CINP: variants seen among roughly 807,000 people sequenced by gnomAD.
The protein encoded by CINP is cyclin-dependent kinase 2-interacting protein.
A neutral mutation model predicts 20.5 loss-of-function variants in CINP; 11 were observed. The ratio of observed to expected loss-of-function variants is 0.54; its 90% CI spans 0.34 to 0.89. The LOEUF (loss-of-function observed/expected upper bound fraction) is 0.89, where lower values mean the gene tolerates loss of function less well. Ranked by LOEUF, CINP falls within the 40% of genes least tolerant of loss-of-function variation. The pLI, the probability that CINP is intolerant of heterozygous loss-of-function variation, is 0.02. For missense variants in CINP, 213 were observed against 251.0 expected, an observed-to-expected ratio of 0.85 and a Z score of 1.02; for synonymous variants, 108 against 102.1, an observed-to-expected ratio of 1.06 and a Z score of -0.35.
At chr14:102,361,951 G>A (rs1887173904) in intron 1 of CINP, among the ~76,000 whole-genome samples, 1 of 152,194 alleles carries the variant, frequency 6.6e-6, no homozygotes, top group Admixed American at 6.5e-5. Flanking sequence ...ATATTCACCA[G>A]TGGAGTGTAT....
At chr14:102,357,109 G>A (rs1448147498) in intron 2 of CINP, among the ~76,000 whole-genome samples, 8 of 152,246 alleles carry the variant, frequency 5.3e-5, no homozygotes, top group Admixed American at 3.9e-4. Context: ...GGCCAGGTGC[G>A]GTGGCTCACG....
chr14:102,352,931 G>A (rs1376081243), intron 3 of CINP, among the ~76,000 whole-genome samples: 1 of 151,542 alleles, frequency 6.6e-6, no homozygotes. Flanking sequence ...TTACAGGCAT[G>A]AGCCACTGCG....
chr14:102,359,520 G>A lies in CINP; in HGVS notation c.75C>T (p.Asp25=), dbSNP rs753532232. 4 of 1,613,186 alleles carry A rather than the reference G, an allele frequency of 2.5e-6. No homozygotes were observed. Residue 25 remains aspartate, a synonymous_variant, in exon 2 of 5, where the codon GAC becomes GAT. Transcript: ENST00000216756. ...VLSVSARKIK[D]NAADWHNLIL... ...TTAAATTGTGCCAATCAGCCGCATTGTCCTTAATTTTTCTTGCACTGACAG... is the reference window on the plus strand; with the variant it reads ...TTAAATTGTGCCAATCAGCCGCATTATCCTTAATTTTTCTTGCACTGACAG...
chr14:102,354,924 G>C (rs991070329), intron 3 of CINP, among the ~76,000 whole-genome samples: 3 of 151,640 alleles, frequency 2.0e-5, no homozygotes, highest in Admixed American at 6.6e-5. Flanking sequence ...ACAAAAATTA[G>C]CTCATGTGGT....
chr14:102,348,778 T>C lies in CINP; in HGVS notation c.437-19A>G, dbSNP rs759406619. The C allele has an allele frequency of 6.2e-7, 1 of 1,603,256 alleles. No homozygotes were observed. Among genetic ancestry groups the C allele is most frequent in the Non-Finnish European group, 8.5e-7 (1 of 1,172,460 alleles). ...ACCTCATCTGAAAGAAACGTGAATC[T>C]CCCTTAATGGCAGTGATTCAAGAAC... On this transcript the variant is annotated intron_variant, in intron 4 of 4. Transcript: ENST00000216756.
rs1567308301 is a variant in CINP, at chr14:102,362,886, G to GC, written c.-36dup. ...AGATATCCGTAGAAGGAGACGCGAA[G>GC]CCCCGCCCACCCCACCGGAAACGCA... On this transcript the variant is annotated 5_prime_UTR_variant, in exon 1 of 5. Transcript: ENST00000216756. 6.2e-7 allele frequency: 1 copy of GC among 1,613,558 alleles called. No individual in the cohort carries two copies. Among genetic ancestry groups the GC allele is most frequent in the Non-Finnish European group, 8.5e-7 (1 of 1,179,626 alleles).
rs199840100 is a variant in CINP at position 102,359,473 on chromosome 14, T to C, written c.122A>G (p.Asn41Ser). 87 of 1,612,194 alleles carry C rather than the reference T, an allele frequency of 5.4e-5. No individual in the cohort carries two copies. Among genetic ancestry groups the C allele is most frequent in the African/African-American group, 6.7e-5 (5 of 74,986 alleles). The change falls in exon 2 of 5, where the codon AAT becomes AGT. Residue 41 changes from asparagine to serine, a missense_variant. Physicochemically the swap from Asn to Ser is conservative, Grantham distance 46. Coordinates refer to ENST00000216756, the MANE Select transcript of CINP (RefSeq NM_032630.3). ...HNLILKWETL[N>S]DAGFTTANNI... Reference sequence around the variant, plus strand: ...ATTTGCAGTGGTAAAACCTGCATCATTGAGGGTTTCCCACTTCAGGATTAA... The same window carrying C: ...ATTTGCAGTGGTAAAACCTGCATCACTGAGGGTTTCCCACTTCAGGATTAA...
intron 3 of CINP, chr14:102,352,658 T>C: frequency 2.4e-6 from 1 of 411,590 alleles, no homozygotes; most frequent in South Asian, 1.8e-5. Flanking sequence ...ACTTTTCTTT[T>C]TCTTTTTTTC....
In CINP at chr14:102,362,841, G is replaced by A. The variant is rs755036205; in HGVS notation, c.7+4C>T. ...ACCCCGGGAAAGGAACCGATCTCAC[G>A]CACCTTCCATAAGGTCCACAGATAT... On this transcript the variant is annotated splice_donor_region_variant and intron_variant, in intron 1 of 4. Coordinates refer to ENST00000216756, the MANE Select transcript of CINP (RefSeq NM_032630.3). 7 of 1,614,024 alleles carry A rather than the reference G, an allele frequency of 4.3e-6. No individual in the cohort carries two copies. Among genetic ancestry groups the A allele is most frequent in the Middle Eastern group, 1.6e-4 (1 of 6,062 alleles).
At chr14:102,357,064 T>G (rs554650565) in intron 2 of CINP, among the ~76,000 whole-genome samples, 37 of 152,280 alleles carry the variant, frequency 2.4e-4, no homozygotes, top group African/African-American at 8.9e-4. Context: ...ATGATTAAGC[T>G]TAGTGAGGAA....
At chr14:102,349,466 C>T (rs1886818216) in intron 4 of CINP, among the ~76,000 whole-genome samples, 1 of 152,126 alleles carries the variant, frequency 6.6e-6, no homozygotes, top group African/African-American at 2.4e-5. Flanking sequence ...CTTTAAGAAG[C>T]GCCTCATAGA....
intron 4 of CINP, among the ~76,000 whole-genome samples, chr14:102,349,024 G>C (rs1225066580): frequency 1.3e-5 from 2 of 152,202 alleles, no homozygotes; most frequent in African/African-American, 2.4e-5. Flanking sequence ...AGGCCCAAGT[G>C]GGTGGATCAC....
At chr14:102,352,660 CT>C (rs1208495575) in intron 3 of CINP, 3 of 410,942 alleles carry the variant, frequency 7.3e-6, no homozygotes, top group Non-Finnish European at 1.4e-5. Context: ...TTTTCTTTTT[CT>C]TTTTTTCTTT....
intron 3 of CINP, among the ~76,000 whole-genome samples, chr14:102,354,799 G>C (rs1294172669): frequency 6.6e-6 from 1 of 151,978 alleles, no homozygotes; most frequent in Non-Finnish European, 1.5e-5. Flanking sequence ...GCCAGGTGCG[G>C]TGACTCACGC....
In CINP at chr14:102,359,456, T is replaced by G. The variant is rs369073138; in HGVS notation, c.139A>C (p.Thr47Pro). The G allele has an allele frequency of 1.9e-6, 3 of 1,603,412 alleles. No individual in the cohort carries two copies. Among genetic ancestry groups the G allele is most frequent in the Non-Finnish European group, 2.6e-6 (3 of 1,174,586 alleles). The change falls in exon 2 of 5, where the codon ACT becomes CCT. Residue 47 changes from threonine (T) to proline (P), a missense_variant. Physicochemically the swap from Thr to Pro is conservative, Grantham distance 38. Transcript: ENST00000216756. ...WETLNDAGFT[T>P]ANNIANLKIS... ...TTCAAGTTGGCAATATTATTTGCAG[T>G]GGTAAAACCTGCATCATTGAGGGTT...
chr14:102,352,285 T>G (rs1408255812), intron 3 of CINP: 2 of 256,938 alleles, frequency 7.8e-6, no homozygotes, highest in Non-Finnish European at 1.6e-5. Flanking sequence ...AACAGGAGAC[T>G]AAGGAAAATT....
rs548858134 is a variant in CINP, at chr14:102,350,907, C to T, written c.307-859G>A. Among the ~76,000 whole-genome samples, 202 of 148,544 alleles carry T rather than the reference C, an allele frequency of 1.4e-3. 1 individual carries two copies. The highest frequency in any genetic ancestry group is 4.7e-3 in the South Asian group (22 of 4,688). On this transcript the variant is annotated intron_variant, in intron 3 of 4. Transcript: ENST00000216756. ...GTGGCGAGATCTCGGTTCACTACAA[C>T]CTCTGATTCCCTGGTTCAAGCGATT...
rs114043770 is a variant in CINP at position 102,357,079 on chromosome 14, T to C, written c.177-1182A>G. ...ATGATTAAGCTTAGTGAGGAAGGCATGTCAAAAGCTCAGATAAGGGGCCAG... is the reference window on the plus strand; with the variant it reads ...ATGATTAAGCTTAGTGAGGAAGGCACGTCAAAAGCTCAGATAAGGGGCCAG... On this transcript the variant is annotated intron_variant, in intron 2 of 4. Transcript: ENST00000216756. 5.7e-3 allele frequency among the ~76,000 whole-genome samples: 873 copies of C among 152,246 alleles called. 7 individuals are homozygous for C. Among genetic ancestry groups the C allele is most frequent in the African/African-American group, 0.02 (834 of 41,548 alleles).
chr14:102,353,338 C>G (rs909305626), intron 3 of CINP, among the ~76,000 whole-genome samples: 1 of 152,116 alleles, frequency 6.6e-6, no homozygotes, highest in African/African-American at 2.4e-5. Context: ...GCAGAGGAAC[C>G]TGGAAACACT....
Sources: allele counts gnomAD v4.1 joint callset (sites outside exome capture counted in the v4.1 genomes callset), GRCh38; gene constraint gnomAD v4.1.1; transcripts MANE v1.5; gene names NCBI Gene and HGNC (gene_info 2026-07-23, HGNC 2026-07-21).